The following NUP155 variants were observed in gnomAD, a reference collection of about 807,000 sequenced individuals.
NUP155 encodes nuclear pore complex protein Nup155.
In NUP155, 71 loss-of-function variants were observed where a neutral mutation model predicts 180.4. The observed-to-expected ratio is 0.39, with a 90% CI of 0.33 to 0.48. The LOEUF (loss-of-function observed/expected upper bound fraction) is 0.48. NUP155 is among the 20% of genes least tolerant of loss of function. The pLI is 0.91. For synonymous variants in NUP155, 582 were observed against 559.5 expected, an observed-to-expected ratio of 1.04 and a Z score of -0.57; for missense variants, 1,553 against 1,648.9, an observed-to-expected ratio of 0.94 and a Z score of 1.01.
At chr5:37,327,488 GAA>G in intron 18 of NUP155, 139 bp downstream of exon 18, 1 of 815,076 alleles carries the variant, frequency 1.2e-6, no homozygotes, top group Non-Finnish European at 2.0e-6. Flanking sequence ...TGGAATAATA[GAA>G]AAGTTTTATT....
Position 37,309,141 on chromosome 5 carries a change from G to A in NUP155, c.2755C>T (p.Gln919Ter), listed in dbSNP as rs1180090281. 6.2e-7 allele frequency: 1 copy of A among 1,613,246 alleles called. No homozygotes were observed. The highest frequency in any genetic ancestry group is 1.7e-5 in the Admixed American group (1 of 60,006). ...NQVDLSNVCA[Q>*]YRQVRFYEGV... is the part of the protein sequence containing the mutation. ...TTTTATTTCTCACCTTGTCTATACT[G>A]AGCACAAACATTGGAAAGGTCCACT... Residue 919 changes from glutamine to a stop codon, truncating the protein, a stop_gained, in exon 24 of 35, where the codon CAG becomes TAG. Transcript: ENST00000231498. LOFTEE classifies it high-confidence loss of function.
Position 37,289,468 on chromosome 5 carries a change from T to C in NUP155, c.*2432A>G, listed in dbSNP as rs1742146735. ...CTGTCATAACAGGCTATCCGGCTGA[T>C]TGTTCTGAATGTGAAAGTTTTAGAA... On this transcript the variant is annotated 3_prime_UTR_variant, in exon 35 of 35. Coordinates refer to ENST00000231498, the MANE Select transcript of NUP155 (RefSeq NM_153485.3). The C allele has an allele frequency of 6.6e-6, 1 of 152,238 alleles. No individual in the cohort carries two copies. Among genetic ancestry groups the C allele is most frequent in the African/African-American group, 2.4e-5 (1 of 41,468 alleles). 9.4% of individuals were successfully genotyped at this position (152,238 alleles called of 1,614,324 possible). A position where few individuals can be genotyped will look rare whatever the true frequency, so the allele number is the denominator to read the frequency against.
At chr5:37,344,471 C>A (rs1261011449) in intron 9 of NUP155, among the ~76,000 whole-genome samples, 6 of 149,764 alleles carry the variant, frequency 4.0e-5, no homozygotes, top group African/African-American at 4.9e-5. Flanking sequence ...AATTATCCTG[C>A]CCTTCCTTCC....
At chr5:37,329,159 A>C in intron 16 of NUP155, 31 bp downstream of exon 16, 4 of 1,522,110 alleles carry the variant, frequency 2.6e-6, no homozygotes, top group Non-Finnish European at 3.6e-6. Context: ...AAACGATTAG[A>C]AACAATTTCA....
At chr5:37,333,378 C>A in intron 13 of NUP155, 85 bp downstream of exon 13, 3 of 1,161,336 alleles carry the variant, frequency 2.6e-6, no homozygotes, top group East Asian at 2.3e-5. Flanking sequence ...GAAAATTATT[C>A]AATTAAGCCA....
intron 7 of NUP155, among the ~76,000 whole-genome samples, 197 bp downstream of exon 7, chr5:37,349,959 ATAAG>A (rs1746352470): frequency 6.6e-6 from 1 of 152,212 alleles, no homozygotes; most frequent in Admixed American, 6.5e-5. Flanking sequence ...TTTATAGGAA[ATAAG>A]TAAACTTGAG....
rs1742114361 is a variant in NUP155, at chr5:37,288,675, G to GA, written c.*3224dup. On this transcript the variant is annotated 3_prime_UTR_variant, in exon 35 of 35. Coordinates refer to ENST00000231498, the MANE Select transcript of NUP155 (RefSeq NM_153485.3). ...AGCACTTTGGGAGACTGAGGCAGGG[G>GA]AATCACTTAAGGCCAGGAGTTTTGA... The GA allele has an allele frequency of 6.8e-6, 1 of 147,830 alleles. No individual in the cohort carries two copies. The highest frequency in any genetic ancestry group is 2.5e-5 in the African/African-American group (1 of 39,460). The allele number at this position is 147,830 out of a possible 1,614,324, so 9.2% of individuals were successfully genotyped here.
At chr5:37,365,195 G>A (rs371437596) in intron 1 of NUP155, among the ~76,000 whole-genome samples, 11 of 151,872 alleles carry the variant, frequency 7.2e-5, no homozygotes, top group South Asian at 4.2e-4. Flanking sequence ...GGAGGCGGAA[G>A]TTGCAGTGAG....
chr5:37,349,287 C>T, intron 7 of NUP155, 42 bp from the exon 8 acceptor site: 1 of 634,296 alleles, frequency 1.6e-6, no homozygotes. Flanking sequence ...AAAGTAAACC[C>T]AAGGATTAAC....
rs1554123142 is a variant in NUP155 at position 37,288,771 on chromosome 5, A to AGGGGGGGGGGGGGG, written c.*3128_*3129insCCCCCCCCCCCCCC. The AGGGGGGGGGGGGGG allele has an allele frequency of 1.7e-5, 1 of 57,648 alleles. No homozygotes were observed. 3.6% of individuals were successfully genotyped at this position (57,648 alleles called of 1,614,324 possible). On this transcript the variant is annotated 3_prime_UTR_variant, in exon 35 of 35. Transcript: ENST00000231498. The stretch of plus-strand genomic sequence containing the variant: ...TTAAAAAAAAAAAAAAAAAAAAAGT[A>AGGGGGGGGGGGGGG]GGGGGGGTGGGGCTAGGCGCAGTGG...
intron 3 of NUP155, among the ~76,000 whole-genome samples, chr5:37,361,263 C>G (rs1747196842): frequency 1.6e-5 from 1 of 61,380 alleles, no homozygotes; most frequent in Admixed American, 2.0e-4. Context: ...GAGACTCTGT[C>G]TCAAAAAAAA....
At chr5:37,304,950 A>C (rs773417081) in intron 26 of NUP155, 107 bp from the exon 27 acceptor site, 2 of 1,519,896 alleles carry the variant, frequency 1.3e-6, no homozygotes, top group Non-Finnish European at 1.8e-6. Flanking sequence ...TCCTTACATG[A>C]TAACTTCTAA....
In NUP155 at chr5:37,330,067, T is replaced by C. The variant is rs1744857209; in HGVS notation, c.1695A>G (p.Val565=). The change falls in exon 15 of 35, where the codon GTA becomes GTG. Residue 565 remains valine (V), a synonymous_variant. Transcript: ENST00000231498. ...ACSTAACDRE[V]SAWATRAFFR... Reference sequence around the variant, plus strand: ...AGAAAGCCCGAGTAGCCCAGGCAGATACTTCTCTATCACAGGCAGCAGTGG... The same window carrying C: ...AGAAAGCCCGAGTAGCCCAGGCAGACACTTCTCTATCACAGGCAGCAGTGG... 4 of 1,613,584 alleles carry C rather than the reference T, an allele frequency of 2.5e-6. No individual in the cohort carries two copies. The African/African-American group carries it at 4.0e-5, about 16-fold the overall frequency.
intron 31 of NUP155, 29 bp downstream of exon 31, chr5:37,299,419 T>C (rs1212439324): frequency 1.2e-6 from 2 of 1,613,544 alleles, no homozygotes; most frequent in Admixed American, 3.3e-5. Context: ...ACATAACGTA[T>C]GCTAACATAC....
intron 20 of NUP155, among the ~76,000 whole-genome samples, chr5:37,319,940 T>C (rs1434470141): frequency 6.6e-6 from 1 of 151,614 alleles, no homozygotes; most frequent in Admixed American, 6.6e-5. Context: ...CCCAGCACTT[T>C]GGGAAGCTAA....
In NUP155 at chr5:37,348,606, C is replaced by A. The variant is rs1746257453; in HGVS notation, c.904-10G>T. Reference sequence around the variant, plus strand: ...GTCCCAAATCATACACCTGTGAATACAAAATCATTCTCACTTAAACATGAT... The same window carrying A: ...GTCCCAAATCATACACCTGTGAATAAAAAATCATTCTCACTTAAACATGAT... On this transcript the variant is annotated splice_polypyrimidine_tract_variant and intron_variant, in intron 8 of 34. Transcript: ENST00000231498. 7 of 1,503,894 alleles carry A rather than the reference C, an allele frequency of 4.7e-6. No individual in the cohort carries two copies. In the East Asian group the frequency reaches 1.6e-4, roughly 34 times the overall value. The allele number at this position is 1,503,894 out of a possible 1,614,324, so 93.2% of individuals were successfully genotyped here.
rs1747943046 is a variant in NUP155, at chr5:37,371,080, G to A, written c.-103C>T. 3.3e-6 allele frequency: 4 copies of A among 1,220,632 alleles called. No homozygotes were observed. Among genetic ancestry groups the A allele is most frequent in the Non-Finnish European group, 1.2e-6 (1 of 856,228 alleles). The allele number at this position is 1,220,632 out of a possible 1,614,324, so 75.6% of individuals were successfully genotyped here. On this transcript the variant is annotated 5_prime_UTR_variant, in exon 1 of 35. Transcript: ENST00000231498. The stretch of plus-strand genomic sequence containing the variant: ...TAGATCCGCCGCCTAGGGCGCGCGC[G>A]CCAAACGAGCGCCTTGGCGCCTCGA...
intron 33 of NUP155, among the ~76,000 whole-genome samples, chr5:37,293,507 G>T (rs1408540171): frequency 6.6e-6 from 1 of 152,156 alleles, no homozygotes; most frequent in Non-Finnish European, 1.5e-5. Flanking sequence ...GGCTAATGTT[G>T]TAAAGCACTG....
intron 12 of NUP155, among the ~76,000 whole-genome samples, chr5:37,333,894 C>T (rs770102738): frequency 1.3e-5 from 2 of 151,578 alleles, no homozygotes; most frequent in Non-Finnish European, 2.9e-5. Flanking sequence ...CTTTGCCTCC[C>T]GGGTTCAAGT....
Sources: allele counts gnomAD v4.1 joint callset (sites outside exome capture counted in the v4.1 genomes callset), GRCh38; gene constraint gnomAD v4.1.1; transcripts MANE v1.5; gene names NCBI Gene and HGNC (gene_info 2026-07-23, HGNC 2026-07-21).